Variants in KCNQ1 observed in about 807,000 individuals in gnomAD.
KCNQ1 encodes the protein potassium voltage-gated channel subfamily KQT member 1.
In KCNQ1, 49 loss-of-function variants were observed where a neutral mutation model predicts 72.4. That is an observed-to-expected ratio of 0.68 (90% confidence interval 0.54 to 0.86). The LOEUF (loss-of-function observed/expected upper bound fraction) is 0.86, where lower values mean the gene tolerates loss of function less well. Ranked by LOEUF, KCNQ1 falls within the 40% of genes least tolerant of loss-of-function variation. The pLI is 0.00. For missense variants in KCNQ1, 790 were observed against 945.1 expected, an observed-to-expected ratio of 0.84 and a Z score of 2.15; for synonymous variants, 450 against 412.6, an observed-to-expected ratio of 1.09 and a Z score of -1.10.
chr11:2,788,502 G>A (rs1056062105), intron 15 of KCNQ1, among the ~76,000 whole-genome samples: 1 of 152,014 alleles, frequency 6.6e-6, no homozygotes, highest in African/African-American at 2.4e-5. Flanking sequence ...TGCCCTGGCA[G>A]CCCCAGACCT....
chr11:2,513,497 G>A (rs1847242492), intron 1 of KCNQ1, among the ~76,000 whole-genome samples: 1 of 152,162 alleles, frequency 6.6e-6, no homozygotes, highest in African/African-American at 2.4e-5. Flanking sequence ...CTTCCCCAGG[G>A]CATGGCCCAG....
At chr11:2,633,040 T>C (rs1393967197) in intron 10 of KCNQ1, 1 of 398,514 alleles carries the variant, frequency 2.5e-6, no homozygotes, top group East Asian at 3.6e-5. Flanking sequence ...ACAAATAGTG[T>C]ATTATTTCCC....
At chr11:2,773,758 T>G (rs56182401) in intron 12 of KCNQ1, among the ~76,000 whole-genome samples, 1 of 142,872 alleles carries the variant, frequency 7.0e-6, no homozygotes. Flanking sequence ...TATCCCATCT[T>G]ACAGAAAGGA....
intron 2 of KCNQ1, among the ~76,000 whole-genome samples, chr11:2,553,315 GT>G (rs1381202988): frequency 6.6e-6 from 1 of 152,156 alleles, no homozygotes; most frequent in African/African-American, 2.4e-5. Context: ...GTGTCTGCCA[GT>G]GGGGAGAGGG....
chr11:2,723,517 C>T lies in KCNQ1; in HGVS notation c.1515-45327C>T, dbSNP rs534614693. Among the ~76,000 whole-genome samples, 15 of 152,332 alleles carry T rather than the reference C, an allele frequency of 9.8e-5. 1 individual carries two copies. The South Asian group carries it at 2.3e-3, about 23-fold the overall frequency. The stretch of plus-strand genomic sequence containing the variant: ...TACACAGGCAGCCCCACACCTGGTC[C>T]GCTGTTCTGTCCTTACTGTAGCAGT... On this transcript the variant is annotated intron_variant, in intron 11 of 15. Coordinates refer to ENST00000155840, the MANE Select transcript of KCNQ1 (RefSeq NM_000218.3). This position sits in a 1 kb window ranked among gnomAD's most constrained non-coding sequence, Gnocchi z 4.2.
intron 1 of KCNQ1, among the ~76,000 whole-genome samples, chr11:2,452,194 G>T (rs575693489): frequency 1.3e-5 from 2 of 152,190 alleles, no homozygotes; most frequent in African/African-American, 2.4e-5. Flanking sequence ...ACTCTGGGGC[G>T]CACTGAAAGG....
intron 1 of KCNQ1, among the ~76,000 whole-genome samples, chr11:2,456,962 AAAACCCAAAAAAAC>A (rs1846204011): frequency 6.6e-6 from 1 of 150,992 alleles, no homozygotes; most frequent in African/African-American, 2.4e-5. Flanking sequence ...AAAAAAAAAA[AAAACCCAAAAAAAC>A]AAAAAGTGGG....
rs1846056716 is a variant in KCNQ1, at chr11:2,447,433, C to T, written c.386+1949C>T. 6.6e-6 allele frequency among the ~76,000 whole-genome samples: 1 copy of T among 152,132 alleles called. No individual in the cohort carries two copies. The stretch of plus-strand genomic sequence containing the variant: ...GGCCCTGGGAAGTTGTCATGAACAG[C>T]CTCCAACCCAGGTACCTCCATGTGG... On this transcript the variant is annotated intron_variant, in intron 1 of 15. Coordinates refer to ENST00000155840, the MANE Select transcript of KCNQ1 (RefSeq NM_000218.3). This position sits in a 1 kb window ranked among gnomAD's most constrained non-coding sequence, Gnocchi z 7.6.
At chr11:2,763,558 A>G (rs1193398853) in intron 11 of KCNQ1, among the ~76,000 whole-genome samples, 1 of 152,214 alleles carries the variant, frequency 6.6e-6, no homozygotes, top group African/African-American at 2.4e-5. Flanking sequence ...TTATTTTCTA[A>G]TTGTTACTAG....
intron 15 of KCNQ1, among the ~76,000 whole-genome samples, chr11:2,792,093 G>C (rs1205941590): frequency 6.6e-6 from 1 of 152,150 alleles, no homozygotes; most frequent in African/African-American, 2.4e-5. Flanking sequence ...GCCCTGGTCC[G>C]GCGCTTCCAT....
At chr11:2,582,943 C>T (rs1282209537) in intron 6 of KCNQ1, among the ~76,000 whole-genome samples, 2 of 152,160 alleles carry the variant, frequency 1.3e-5, no homozygotes, top group Non-Finnish European at 2.9e-5. Context: ...GCATCTTGTA[C>T]TCTCAGAAAA....
intron 2 of KCNQ1, among the ~76,000 whole-genome samples, chr11:2,540,420 A>G (rs1376265694): frequency 6.6e-6 from 1 of 152,188 alleles, no homozygotes; most frequent in Non-Finnish European, 1.5e-5. Context: ...CTCGGATCCC[A>G]GCCCCCTGTT....
intron 2 of KCNQ1, among the ~76,000 whole-genome samples, chr11:2,539,056 C>T (rs1401740702): frequency 6.6e-6 from 1 of 152,188 alleles, no homozygotes; most frequent in African/African-American, 2.4e-5. Context: ...GAGGCGGTCT[C>T]AGCCCATGGT....
chr11:2,798,052 T>G (rs163173), intron 15 of KCNQ1, among the ~76,000 whole-genome samples: 1 of 151,960 alleles, frequency 6.6e-6, no homozygotes, highest in East Asian at 1.9e-4. Flanking sequence ...CACAGCGGCC[T>G]TGGGACAATA....
At chr11:2,802,151 G>T (rs1463660437) in intron 15 of KCNQ1, among the ~76,000 whole-genome samples, 1 of 152,206 alleles carries the variant, frequency 6.6e-6, no homozygotes, top group Non-Finnish European at 1.5e-5. Flanking sequence ...CTTTTCCAGG[G>T]GTCAGGCAGG....
Position 2,682,877 on chromosome 11 carries a change from G to T in KCNQ1, c.1514+20796G>T. The T allele has an allele frequency of 2.5e-6, 1 of 398,624 alleles. No individual in the cohort carries two copies. The highest frequency in any genetic ancestry group is 4.4e-6 in the Non-Finnish European group (1 of 226,088). The allele number at this position is 398,624 out of a possible 1,614,324, so 24.7% of individuals were successfully genotyped here. A position where few individuals can be genotyped will look rare whatever the true frequency, so the allele number is the denominator to read the frequency against. On this transcript the variant is annotated intron_variant, in intron 11 of 15. Transcript: ENST00000155840. This position sits in a 1 kb window ranked among gnomAD's most constrained non-coding sequence, Gnocchi z 5.8. ...TGTAGACCAGGAAACTGAGGCTTGG[G>T]GATAGCAGATGTTCCCAGACAGAAA...
At chr11:2,584,471 ATGTTAG>A (rs1446362814) in intron 7 of KCNQ1, among the ~76,000 whole-genome samples, 6 of 143,772 alleles carry the variant, frequency 4.2e-5, no homozygotes, top group South Asian at 4.4e-4. Context: ...ATGTTAGTGT[ATGTTAG>A]TGTTAGTGTG....
At chr11:2,448,386 G>A (rs1037535621) in intron 1 of KCNQ1, among the ~76,000 whole-genome samples, 1 of 152,240 alleles carries the variant, frequency 6.6e-6, no homozygotes, top group Non-Finnish European at 1.5e-5. Flanking sequence ...CCTCGCGGGT[G>A]CGTGTTAATC....
At chr11:2,643,226 T>C in intron 10 of KCNQ1, 1 of 398,318 alleles carries the variant, frequency 2.5e-6, no homozygotes, top group African/African-American at 2.1e-5. Context: ...TAATTTTTTG[T>C]CTAGATGATC....
Sources: allele counts gnomAD v4.1 joint callset (sites outside exome capture counted in the v4.1 genomes callset), GRCh38; gene constraint gnomAD v4.1.1; non-coding constraint Gnocchi (gnomAD v3.1); transcripts MANE v1.5; gene names NCBI Gene and HGNC (gene_info 2026-07-23, HGNC 2026-07-21).